Variants in TCF4 observed in about 807,000 individuals in gnomAD.
The protein encoded by TCF4 is transcription factor 4.
In TCF4, 3 loss-of-function variants were observed where a neutral mutation model predicts 82.1. The observed-to-expected ratio is 0.04, with a 90% CI of 0.02 to 0.09. The LOEUF is 0.09. Among genes scored for constraint, TCF4 ranks in the 10% least tolerant of loss-of-function variants. TCF4 has a pLI of 1.00. For missense variants in TCF4, 518 were observed against 852.7 expected, an observed-to-expected ratio of 0.61 and a Z score of 4.89; for synonymous variants, 276 against 309.6, an observed-to-expected ratio of 0.89 and a Z score of 1.14.
At chr18:55,559,688 G>GT (rs2147284735) in intron 3 of TCF4, among the ~76,000 whole-genome samples, 1 of 151,102 alleles carries the variant, frequency 6.6e-6, no homozygotes, top group African/African-American at 2.4e-5. Context: ...AAGTGACCTA[G>GT]TGCCTTGATT....
chr18:55,412,071 T>C (rs536910836), intron 5 of TCF4, among the ~76,000 whole-genome samples: 65 of 152,244 alleles, frequency 4.3e-4, no homozygotes, highest in African/African-American at 1.6e-3. Context: ...AAAATTCCAC[T>C]GGTTATTCTG....
chr18:55,412,349 GT>G (rs545341480), intron 5 of TCF4, among the ~76,000 whole-genome samples: 240 of 140,952 alleles, frequency 1.7e-3, no homozygotes, highest in Admixed American at 2.9e-3. Flanking sequence ...AATGAAGGCT[GT>G]TTTTTTTTTT....
intron 10 of TCF4, among the ~76,000 whole-genome samples, chr18:55,272,016 TTAAC>T (rs1393472107): frequency 4.6e-5 from 7 of 152,180 alleles, no homozygotes; most frequent in South Asian, 4.2e-4. Flanking sequence ...TTATAAATAT[TTAAC>T]TAACTATAAT....
chr18:55,461,003 T>C lies in TCF4; in HGVS notation c.304+16A>G, dbSNP rs758754562. On this transcript the variant is annotated intron_variant, in intron 5 of 19. Coordinates refer to ENST00000354452, the MANE Select transcript of TCF4 (RefSeq NM_001083962.2). ...GAGCATTCAAAAAGTGTAAGTTAAT[T>C]TAAAATGGGTCTTACTTTGTATTCT... The C allele has an allele frequency of 6.2e-7, 1 of 1,609,790 alleles. No individual in the cohort carries two copies. The highest frequency in any genetic ancestry group is 1.1e-5 in the South Asian group (1 of 90,840).
intron 8 of TCF4, among the ~76,000 whole-genome samples, chr18:55,340,399 G>A (rs2079629092): frequency 6.6e-6 from 1 of 151,596 alleles, no homozygotes; most frequent in African/African-American, 2.4e-5. Flanking sequence ...GGAAACACAG[G>A]GAGACCCTGT....
At chr18:55,279,465 C>T in intron 9 of TCF4, 86 bp downstream of exon 9, 1 of 1,594,034 alleles carries the variant, frequency 6.3e-7, no homozygotes, top group Admixed American at 1.7e-5. Flanking sequence ...GCCTACTATT[C>T]CATTTCTTCT....
intron 5 of TCF4, among the ~76,000 whole-genome samples, chr18:55,436,551 TACAGAATTCA>T (rs2095333583): frequency 6.6e-6 from 1 of 152,180 alleles, no homozygotes; most frequent in African/African-American, 2.4e-5. Context: ...TTCTTAAATA[TACAGAATTCA>T]ACAGAAGCAC....
chr18:55,323,371 A>G (rs2076033403), intron 8 of TCF4, among the ~76,000 whole-genome samples: 1 of 152,218 alleles, frequency 6.6e-6, no homozygotes, highest in South Asian at 2.1e-4. Flanking sequence ...AAACACATAC[A>G]GTATTAATAA....
intron 15 of TCF4, among the ~76,000 whole-genome samples, chr18:55,246,550 G>C (rs780731335): frequency 3.9e-5 from 6 of 152,124 alleles, no homozygotes; most frequent in Non-Finnish European, 7.4e-5. Context: ...AGGGGCTGCT[G>C]AATAGAGCTT....
intron 3 of TCF4, among the ~76,000 whole-genome samples, chr18:55,538,378 G>A: frequency 6.6e-6 from 1 of 152,154 alleles, no homozygotes. Flanking sequence ...TATGCAAAAA[G>A]ACTAGGATCC....
chr18:55,526,126 T>C (rs1466519454), intron 3 of TCF4, among the ~76,000 whole-genome samples: 2 of 152,166 alleles, frequency 1.3e-5, no homozygotes, highest in African/African-American at 4.8e-5. Context: ...ATCTTTGAAG[T>C]TCCACTGGAC....
intron 8 of TCF4, among the ~76,000 whole-genome samples, chr18:55,314,205 C>A (rs2073435394): frequency 6.6e-6 from 1 of 152,086 alleles, no homozygotes; most frequent in African/African-American, 2.4e-5. Context: ...TTATCCCAAC[C>A]CCCACATCAC....
intron 6 of TCF4, 84 bp from the exon 7 acceptor site, chr18:55,351,087 C>A: frequency 6.4e-7 from 1 of 1,556,040 alleles, no homozygotes; most frequent in South Asian, 1.1e-5. Flanking sequence ...GTACTTAAAC[C>A]AATGCAATAA....
Position 55,297,895 on chromosome 18 carries a change from T to C in TCF4, c.550-18239A>G, listed in dbSNP as rs114806100. On this transcript the variant is annotated intron_variant, in intron 8 of 19. Coordinates refer to ENST00000354452, the MANE Select transcript of TCF4 (RefSeq NM_001083962.2). ...TTAAAAAATAAGGTTTAAGACACTA[T>C]ATATTACATGTAGGAGGGCTTTTAT... is the stretch of plus-strand genomic sequence containing the variant. 9.8e-5 allele frequency among the ~76,000 whole-genome samples: 15 copies of C among 152,318 alleles called. No homozygotes were observed. In the East Asian group the frequency reaches 2.9e-3, roughly 29 times the overall value.
intron 8 of TCF4, among the ~76,000 whole-genome samples, chr18:55,348,747 A>C (rs1353148512): frequency 6.6e-6 from 1 of 152,160 alleles, no homozygotes; most frequent in Non-Finnish European, 1.5e-5. Context: ...ATTTCTGCCT[A>C]ATCTTAGCAT....
At chr18:55,557,980 G>A (rs771449281) in intron 3 of TCF4, among the ~76,000 whole-genome samples, 22 of 152,072 alleles carry the variant, frequency 1.4e-4, no homozygotes, top group Admixed American at 7.2e-4. Context: ...CAAGGTGGGA[G>A]GATCACTTGA....
intron 3 of TCF4, among the ~76,000 whole-genome samples, chr18:55,480,855 A>G (rs1277168484): frequency 1.3e-5 from 2 of 152,092 alleles, no homozygotes; most frequent in Non-Finnish European, 2.9e-5. Context: ...TGTAATCCCA[A>G]CACTTCGGGA....
At chr18:55,348,930 T>A (rs775838744) in intron 8 of TCF4, among the ~76,000 whole-genome samples, 2 of 152,168 alleles carry the variant, frequency 1.3e-5, no homozygotes, top group African/African-American at 2.4e-5. Context: ...TAAACAGCTG[T>A]TAGGACTGTA....
chr18:55,588,140 C>T lies in TCF4; in HGVS notation c.-123G>A. On this transcript the variant is annotated 5_prime_UTR_variant, in exon 1 of 20. Coordinates refer to ENST00000354452, the MANE Select transcript of TCF4 (RefSeq NM_001083962.2). ...CCGCCGCCTGCTCCTGCGCCCGCTC[C>T]CGCGCCTGCTGCCTCCCCGCCGCCG... is the stretch of plus-strand genomic sequence containing the variant. 9.3e-7 allele frequency: 1 copy of T among 1,073,558 alleles called. No homozygotes were observed. The highest frequency in any genetic ancestry group is 1.1e-6 in the Non-Finnish European group (1 of 892,960). 66.5% of individuals were successfully genotyped at this position (1,073,558 alleles called of 1,614,324 possible).
Sources: gnomAD v4.1 joint callset for allele counts (sites outside exome capture counted in the v4.1 genomes callset) on GRCh38, gnomAD v4.1.1 for gene constraint, MANE v1.5 for transcripts, NCBI Gene and HGNC (gene_info 2026-07-23, HGNC 2026-07-21) for gene names.